LRRTM4: variants seen among roughly 807,000 people sequenced by gnomAD.
LRRTM4 encodes leucine-rich repeat transmembrane neuronal protein 4.
A neutral mutation model predicts 47.6 loss-of-function variants in LRRTM4; 25 were observed. That is an observed-to-expected ratio of 0.53 (90% CI 0.38 to 0.73). LRRTM4 has a LOEUF of 0.73. LRRTM4 is among the 30% of genes least tolerant of loss of function. LRRTM4 has a pLI of 0.00. For missense variants in LRRTM4, 638 were observed against 713.4 expected (o/e 0.89, Z 1.20); for synonymous variants, 311 against 269.5 (o/e 1.15, Z -1.51).
intron 3 of LRRTM4, among the ~76,000 whole-genome samples, chr2:76,795,125 C>A (rs756608324): frequency 2.6e-5 from 4 of 151,586 alleles, no homozygotes; most frequent in African/African-American, 4.8e-5. Flanking sequence ...GATTTACTAA[C>A]AATAATATTA....
chr2:76,895,089 A>G (rs764159315), intron 3 of LRRTM4, among the ~76,000 whole-genome samples: 9 of 151,986 alleles, frequency 5.9e-5, no homozygotes, highest in African/African-American at 2.4e-5. Flanking sequence ...TTAAAAGACA[A>G]TCTTAGTAGA....
At chr2:76,930,584 T>C (rs1322509226) in intron 3 of LRRTM4, among the ~76,000 whole-genome samples, 1 of 152,182 alleles carries the variant, frequency 6.6e-6, no homozygotes, top group Non-Finnish European at 1.5e-5. Context: ...CGGGAGATTT[T>C]CTTCAAAATA....
At position 77,022,099 on chromosome 2, in the gene LRRTM4, G is replaced by A. The variant is rs934355251; in HGVS notation, c.1552-273183C>T. On this transcript the variant is annotated intron_variant, in intron 3 of 3. Coordinates refer to ENST00000409884, the MANE Select transcript of LRRTM4 (RefSeq NM_001134745.3). ...CTTAAAGTTCCACATGGCTGGGGAGGCCTCAGAATCATGGCCAGAGGTGAA... is the reference window on the plus strand; with the variant it reads ...CTTAAAGTTCCACATGGCTGGGGAGACCTCAGAATCATGGCCAGAGGTGAA... Among the ~76,000 whole-genome samples the A allele has an allele frequency of 5.9e-5, 9 of 152,136 alleles. 2 individuals carry two copies. The highest frequency in any genetic ancestry group is 6.3e-3 in the Middle Eastern group (2 of 316).
chr2:76,867,926 T>C (rs1461931020), intron 3 of LRRTM4, among the ~76,000 whole-genome samples: 4 of 152,198 alleles, frequency 2.6e-5, no homozygotes, highest in Admixed American at 6.5e-5. Context: ...GAGGTTTTGC[T>C]GGTTTAAGTA....
rs1042957340 is a variant in LRRTM4, at chr2:77,116,974, T to A, written c.1552-368058A>T. ...ACATATACACACACACATGCACACA[T>A]CCCTGCCCCAGGCCAACTACTTCCT... On this transcript the variant is annotated intron_variant, in intron 3 of 3. Transcript: ENST00000409884. 1.3e-5 allele frequency among the ~76,000 whole-genome samples: 2 copies of A among 151,720 alleles called. 1 individual carries two copies. Among genetic ancestry groups the A allele is most frequent in the Admixed American group, 1.3e-4 (2 of 15,210 alleles).
At chr2:76,784,009 TTC>T (rs1349100353) in intron 3 of LRRTM4, among the ~76,000 whole-genome samples, 3 of 152,284 alleles carry the variant, frequency 2.0e-5, no homozygotes, top group African/African-American at 7.2e-5. Context: ...TACTTGAATT[TTC>T]TATGTTTTAT....
intron 3 of LRRTM4, among the ~76,000 whole-genome samples, chr2:77,125,449 C>T (rs1671629379): frequency 6.6e-6 from 1 of 152,058 alleles, no homozygotes; most frequent in African/African-American, 2.4e-5. Flanking sequence ...TTTGATAGAC[C>T]ACGCATTGTT....
intron 3 of LRRTM4, among the ~76,000 whole-genome samples, chr2:77,275,131 A>G (rs960203063): frequency 1.3e-5 from 2 of 152,160 alleles, no homozygotes; most frequent in African/African-American, 4.8e-5. Flanking sequence ...TCATCCTGAC[A>G]TATGTAAAGT....
chr2:77,345,219 C>G (rs1307817756), intron 3 of LRRTM4, among the ~76,000 whole-genome samples: 4 of 151,264 alleles, frequency 2.6e-5, no homozygotes, highest in Admixed American at 2.6e-4. Flanking sequence ...CATCAACAAT[C>G]ATATTAAATA....
chr2:77,108,498 TC>T (rs1353560777), intron 3 of LRRTM4, among the ~76,000 whole-genome samples: 1 of 151,912 alleles, frequency 6.6e-6, no homozygotes, highest in Non-Finnish European at 1.5e-5. Flanking sequence ...TATTTTAATT[TC>T]TTAAATAACT....
intron 3 of LRRTM4, among the ~76,000 whole-genome samples, chr2:76,981,163 C>T (rs967938193): frequency 6.6e-6 from 1 of 152,000 alleles, no homozygotes; most frequent in African/African-American, 2.4e-5. Context: ...TTCATTCATT[C>T]GTTATTCAAT....
intron 3 of LRRTM4, among the ~76,000 whole-genome samples, chr2:77,229,128 A>G (rs1558644262): frequency 6.6e-6 from 1 of 152,094 alleles, no homozygotes; most frequent in South Asian, 2.1e-4. Flanking sequence ...TTTCCAAAAT[A>G]TCACATTCTT....
In LRRTM4 at chr2:76,925,436, G is replaced by T. The variant is rs753075641; in HGVS notation, c.1552-176520C>A. Among the ~76,000 whole-genome samples, 3 of 152,172 alleles carry T rather than the reference G, an allele frequency of 2.0e-5. No individual in the cohort carries two copies. The South Asian group carries it at 6.2e-4, about 32-fold the overall frequency. ...TCAGCCTCTGAGGCTCTTAGCCGAGGATCCATTTAAGCTCTGTCTGGCTTT... is the reference window on the plus strand; with the variant it reads ...TCAGCCTCTGAGGCTCTTAGCCGAGTATCCATTTAAGCTCTGTCTGGCTTT... On this transcript the variant is annotated intron_variant, in intron 3 of 3. Transcript: ENST00000409884.
Position 77,443,662 on chromosome 2 carries a change from TC to T in LRRTM4, c.1551+74655del, listed in dbSNP as rs369995618. ...ACATAGTATATGAAGCATTTTTAAT[TC>T]CATGGTTCAAGAAAAACATGGAAGA... On this transcript the variant is annotated intron_variant, in intron 3 of 3. Transcript: ENST00000409884. Among the ~76,000 whole-genome samples the T allele has an allele frequency of 1.1e-4, 16 of 152,246 alleles. No homozygotes were observed. In the East Asian group the frequency reaches 2.7e-3, roughly 26 times the overall value.
chr2:77,303,193 G>A (rs570724243), intron 3 of LRRTM4, among the ~76,000 whole-genome samples: 18 of 151,862 alleles, frequency 1.2e-4, no homozygotes, highest in South Asian at 2.1e-4. Flanking sequence ...TCTCGGAGGC[G>A]GAGGTTGCAG....
intron 3 of LRRTM4, among the ~76,000 whole-genome samples, chr2:77,511,700 TA>T (rs1303440880): frequency 1.3e-5 from 2 of 152,054 alleles, no homozygotes; most frequent in African/African-American, 4.8e-5. Flanking sequence ...GTTTTCCTTT[TA>T]ATTATGCTTC....
intron 3 of LRRTM4, among the ~76,000 whole-genome samples, chr2:77,240,031 G>A (rs867674943): frequency 4.0e-5 from 6 of 151,558 alleles, no homozygotes; most frequent in African/African-American, 1.5e-4. Context: ...ACCATATTCT[G>A]GGTCATAAAA....
At position 77,519,698 on chromosome 2, in the gene LRRTM4, C is replaced by G. The variant is rs1679402032; in HGVS notation, c.171G>C (p.Glu57Asp). The G allele has an allele frequency of 6.2e-7, 1 of 1,613,234 alleles. No individual in the cohort carries two copies. Among genetic ancestry groups the G allele is most frequent in the Admixed American group, 1.7e-5 (1 of 59,876 alleles). Residue 57 changes from glutamate (E) to aspartate (D), a missense_variant, in exon 3 of 4, where the codon GAG becomes GAC. Coordinates refer to ENST00000409884, the MANE Select transcript of LRRTM4 (RefSeq NM_001134745.3). The surrounding 1 kb of genome is among the most constrained non-coding windows in gnomAD (Gnocchi z 4.6). ...AGCCTTGTGACCCTCCAGAAATGTT[C>G]TCAGGGATATCTGCGAAAGCATGAG... ...CESHAFADIP[E>D]NISGGSQGLS...
At chr2:77,471,439 T>TCTTCA (rs1026029338) in intron 3 of LRRTM4, among the ~76,000 whole-genome samples, 5 of 152,114 alleles carry the variant, frequency 3.3e-5, no homozygotes, top group African/African-American at 1.2e-4. Flanking sequence ...TTCCATCTAT[T>TCTTCA]CTTCACAAAG....
Sources: gnomAD v4.1 joint callset for allele counts (sites outside exome capture counted in the v4.1 genomes callset) on GRCh38, gnomAD v4.1.1 for gene constraint, Gnocchi (gnomAD v3.1) non-coding constraint, MANE v1.5 for transcripts, NCBI Gene and HGNC (gene_info 2026-07-23, HGNC 2026-07-21) for gene names.